Variants in CCDC33 observed in about 807,000 individuals in gnomAD.
The protein encoded by CCDC33 is coiled-coil domain containing 33, also known as coiled-coil domain-containing protein 33.
Under a neutral mutation model 91.9 loss-of-function variants are expected in CCDC33, and 94 were observed. That is an observed-to-expected ratio of 1.02 (90% CI 0.87 to 1.21). The LOEUF is 1.21. CCDC33 is among the 50% of genes most tolerant of loss of function. The pLI, the probability that CCDC33 is intolerant of heterozygous loss-of-function variation, is 0.00. For missense variants in CCDC33, 940 were observed against 935.5 expected, an observed-to-expected ratio of 1.00 and a Z score of -0.06; for synonymous variants, 396 against 374.5, an observed-to-expected ratio of 1.06 and a Z score of -0.66.
chr15:74,296,407 C>T (rs1029389031), intron 11 of CCDC33, among the ~76,000 whole-genome samples: 3 of 152,026 alleles, frequency 2.0e-5, no homozygotes, highest in Non-Finnish European at 4.4e-5. Context: ...GGCGGGTCAC[C>T]CGAGGTCGGG....
At chr15:74,287,463 C>T (rs1313510780) in intron 10 of CCDC33, among the ~76,000 whole-genome samples, 2 of 152,178 alleles carry the variant, frequency 1.3e-5, no homozygotes, top group African/African-American at 4.8e-5. Context: ...CTTTCCCTCA[C>T]CTGCTCAGGT....
intron 11 of CCDC33, chr15:74,300,993 A>T (rs2059784992): frequency 6.6e-6 from 1 of 152,218 alleles, no homozygotes. Context: ...TCCCATGGGT[A>T]TGGTCTTGGG....
intron 2 of CCDC33, among the ~76,000 whole-genome samples, chr15:74,223,647 C>T (rs1863792263): frequency 6.6e-6 from 1 of 150,804 alleles, no homozygotes; most frequent in African/African-American, 2.4e-5. Flanking sequence ...AGCCCCCACC[C>T]TCTGGGCCTC....
chr15:74,235,339 T>A (rs1245557789), upstream of CCDC33, among the ~76,000 whole-genome samples: 2 of 152,208 alleles, frequency 1.3e-5, no homozygotes, highest in Non-Finnish European at 1.5e-5. Context: ...CTGCTCTCTC[T>A]GGAGTGGGGG....
At chr15:74,325,855 T>C (rs75165825) in intron 11 of CCDC33, among the ~76,000 whole-genome samples, 1 of 152,070 alleles carries the variant, frequency 6.6e-6, no homozygotes, top group Non-Finnish European at 1.5e-5. Context: ...GCAGGTACCT[T>C]ACCCCCAACA....
intron 2 of CCDC33, among the ~76,000 whole-genome samples, chr15:74,259,109 G>A (rs958944090): frequency 6.6e-6 from 1 of 152,098 alleles, no homozygotes; most frequent in African/African-American, 2.4e-5. Context: ...ATTAAATCTG[G>A]CCCCGAGACA....
intron 4 of CCDC33, among the ~76,000 whole-genome samples, chr15:74,268,003 CCTGGGAGACT>C (rs1308859476): frequency 6.6e-6 from 1 of 152,160 alleles, no homozygotes; most frequent in Non-Finnish European, 1.5e-5. Flanking sequence ...TGCTACTCAC[CCTGGGAGACT>C]CAGCACTTGA....
intron 2 of CCDC33, among the ~76,000 whole-genome samples, chr15:74,247,393 C>T (rs1595935647): frequency 7.3e-6 from 1 of 137,076 alleles, no homozygotes; most frequent in East Asian, 2.1e-4. Context: ...CACACACACA[C>T]ACACGTCATA....
rs570680804 is a variant in CCDC33 at position 74,309,234 on chromosome 15, C to G, written c.1290+13286C>G. 2.0e-5 allele frequency among the ~76,000 whole-genome samples: 3 copies of G among 152,296 alleles called. No individual in the cohort carries two copies. In the South Asian group the frequency reaches 6.2e-4, roughly 32 times the overall value. Reference sequence around the variant, plus strand: ...GGGCTTCTGAAGCCCCTGCCTCAAGCCTTTACCTGAACCCAGAATATTCTA... The same window carrying G: ...GGGCTTCTGAAGCCCCTGCCTCAAGGCTTTACCTGAACCCAGAATATTCTA... On this transcript the variant is annotated intron_variant, in intron 11 of 18. Transcript: ENST00000398814.
At chr15:74,333,199 G>A (rs1383615301) in intron 16 of CCDC33, 1 of 1,546,146 alleles carries the variant, frequency 6.5e-7, no homozygotes, top group South Asian at 1.2e-5. Context: ...GTGCAGCCTT[G>A]GAGAGCCCTT....
chr15:74,237,860 A>T (rs2075220232), intron 1 of CCDC33, among the ~76,000 whole-genome samples: 3 of 152,204 alleles, frequency 2.0e-5, no homozygotes, highest in African/African-American at 7.2e-5. Flanking sequence ...AAGGATGCTC[A>T]TCATGGCCGG....
intron 2 of CCDC33, among the ~76,000 whole-genome samples, chr15:74,229,771 A>C (rs1240897184): frequency 6.6e-6 from 1 of 152,152 alleles, no homozygotes; most frequent in African/African-American, 2.4e-5. Context: ...GTCATCCCTC[A>C]CTCATACATC....
At chr15:74,277,565 G>A (rs910057809) in intron 7 of CCDC33, among the ~76,000 whole-genome samples, 3 of 152,178 alleles carry the variant, frequency 2.0e-5, no homozygotes, top group Admixed American at 1.3e-4. Context: ...ATCTGCAGGC[G>A]ATGCCTGCCT....
Position 74,280,713 on chromosome 15 carries a change from C to A in CCDC33, c.935C>A (p.Ser312Tyr). The change falls in exon 9 of 19, where the codon TCT becomes TAT. Residue 312 changes from serine to tyrosine, a missense_variant. Transcript: ENST00000398814. ...ACCCTCAACCAGCCCCTGGGCATCT[C>A]TGTGTTGCCGCTAAAGAGCCGTTTG... ...PWTLNQPLGI[S>Y]VLPLKSRLYQ... The A allele has an allele frequency of 6.4e-7, 1 of 1,567,566 alleles. No individual in the cohort carries two copies.
intron 2 of CCDC33, chr15:74,209,688 C>T: frequency 2.0e-6 from 1 of 510,132 alleles, no homozygotes; most frequent in Non-Finnish European, 3.5e-6. Flanking sequence ...TCGGCTGCAT[C>T]CCCCCTCACC....
chr15:74,281,800 A>G lies in CCDC33; in HGVS notation c.1046A>G (p.Asn349Ser), dbSNP rs2059370609. 3 of 1,613,886 alleles carry G rather than the reference A, an allele frequency of 1.9e-6. No individual in the cohort carries two copies. The highest frequency in any genetic ancestry group is 2.5e-6 in the Non-Finnish European group (3 of 1,179,948). The change falls in exon 10 of 19, where the codon AAT (asparagine) becomes AGT (serine). Residue 349 changes from asparagine (N) to serine (S), a missense_variant. Physicochemically the swap from Asn to Ser is conservative, Grantham distance 46. Transcript: ENST00000398814. Reference protein sequence around the residue: ...PIMDTSLKTINDEAPTVALSF... With the variant: ...PIMDTSLKTISDEAPTVALSF... Reference sequence around the variant, plus strand: ...CAGGACACCAGCCTGAAAACTATCAATGATGAGGCCCCCACAGTGGCTCTC... The same window carrying G: ...CAGGACACCAGCCTGAAAACTATCAGTGATGAGGCCCCCACAGTGGCTCTC...
chr15:74,236,800 C>A, intron 1 of CCDC33, 60 bp downstream of exon 1: 1 of 1,551,544 alleles, frequency 6.4e-7, no homozygotes, highest in Non-Finnish European at 8.8e-7. Context: ...CAAAGTCCTT[C>A]CTTCAAAGTT....
At chr15:74,258,416 G>A (rs1024917828) in intron 2 of CCDC33, among the ~76,000 whole-genome samples, 2 of 152,200 alleles carry the variant, frequency 1.3e-5, no homozygotes, top group Admixed American at 6.5e-5. Context: ...CTCTGCCCAG[G>A]AGGCGGCCAG....
chr15:74,255,299 A>G (rs528024921), intron 2 of CCDC33, among the ~76,000 whole-genome samples: 13 of 152,278 alleles, frequency 8.5e-5, no homozygotes, highest in Admixed American at 7.8e-4. Context: ...GATGTGCCAC[A>G]CAGTCAGCAG....
Sources: gnomAD v4.1 joint callset for allele counts (sites outside exome capture counted in the v4.1 genomes callset) on GRCh38, gnomAD v4.1.1 for gene constraint, MANE v1.5 for transcripts, NCBI Gene and HGNC (gene_info 2026-07-23, HGNC 2026-07-21) for gene names.